Variants in CXCL13 observed in about 807,000 individuals in gnomAD.
The protein encoded by CXCL13 is C-X-C motif chemokine 13.
In CXCL13, 7 loss-of-function variants were observed where a neutral mutation model predicts 12.2. The ratio of observed to expected loss-of-function variants is 0.57; its 90% CI spans 0.33 to 1.07. The LOEUF (loss-of-function observed/expected upper bound fraction) is 1.07, where lower values mean the gene tolerates loss of function less well. CXCL13 is among the 50% of genes least tolerant of loss of function. The pLI is 0.04. For missense variants in CXCL13, 113 were observed against 127.4 expected, an observed-to-expected ratio of 0.89 and a Z score of 0.55; for synonymous variants, 47 against 42.4, an observed-to-expected ratio of 1.11 and a Z score of -0.42.
At chr4:77,568,076 T>A (rs1301669369) in intron 1 of CXCL13, among the ~76,000 whole-genome samples, 1 of 152,128 alleles carries the variant, frequency 6.6e-6, no homozygotes, top group African/African-American at 2.4e-5. Context: ...GAACCCCAAT[T>A]CTGGAGTTAA....
intron 1 of CXCL13, among the ~76,000 whole-genome samples, chr4:77,562,289 G>C (rs141555062): frequency 6.6e-6 from 1 of 151,552 alleles, no homozygotes; most frequent in Admixed American, 6.6e-5. Context: ...GCTCTGCTGC[G>C]CTGGGTCCCA....
intron 1 of CXCL13, among the ~76,000 whole-genome samples, chr4:77,535,392 C>T (rs1725036750): frequency 1.3e-5 from 2 of 152,088 alleles, no homozygotes; most frequent in Admixed American, 1.3e-4. Flanking sequence ...AAACTTAGTC[C>T]TCAAATCTCA....
chr4:77,586,054 C>T (rs1726449218), intron 1 of CXCL13, among the ~76,000 whole-genome samples: 1 of 152,074 alleles, frequency 6.6e-6, no homozygotes, highest in South Asian at 2.1e-4. Flanking sequence ...AACAATGCAA[C>T]ATAATTGTGT....
intron 1 of CXCL13, among the ~76,000 whole-genome samples, chr4:77,556,851 T>C (rs1725671203): frequency 6.6e-6 from 1 of 151,766 alleles, no homozygotes; most frequent in South Asian, 2.1e-4. Context: ...AGCTTGTCCG[T>C]ACAAAAAAAA....
chr4:77,555,278 C>T (rs536794319), intron 1 of CXCL13, among the ~76,000 whole-genome samples: 1 of 152,062 alleles, frequency 6.6e-6, no homozygotes, highest in East Asian at 1.9e-4. Flanking sequence ...TGAACAAATG[C>T]ATGCAACAAA....
At chr4:77,540,734 T>C (rs984677239) in intron 1 of CXCL13, among the ~76,000 whole-genome samples, 1 of 152,216 alleles carries the variant, frequency 6.6e-6, no homozygotes. Context: ...AACATGCAAG[T>C]GCGTGTGGTT....
At chr4:77,607,399 C>T (rs1727021641) in intron 1 of CXCL13, among the ~76,000 whole-genome samples, 1 of 152,134 alleles carries the variant, frequency 6.6e-6, no homozygotes, top group Non-Finnish European at 1.5e-5. Context: ...GTTGCCCAGG[C>T]TGGTCTCAAA....
In CXCL13 at chr4:77,559,921, CAAAAAAAAA is replaced by C. The variant is rs751894798; in HGVS notation, c.-42-45892_-42-45884del. 2.1e-4 allele frequency among the ~76,000 whole-genome samples: 16 copies of C among 77,120 alleles called. No individual in the cohort carries two copies. In the East Asian group the frequency reaches 5.6e-3, roughly 27 times the overall value. The allele number at this position is 77,120 out of a possible 152,430, so 50.6% of individuals were successfully genotyped here. On this transcript the variant is annotated intron_variant, in intron 1 of 4. Coordinates refer to the CXCL13 transcript ENST00000286758. ...TGGGTGAGAGAGCGAGACTCCATCACAAAAAAAAAAAAAAAAAAACCTGACGCTCAATGT... is the reference window on the plus strand; with the variant it reads ...TGGGTGAGAGAGCGAGACTCCATCACAAAAAAAAAACCTGACGCTCAATGT...
chr4:77,548,661 C>T (rs967867920), intron 1 of CXCL13, among the ~76,000 whole-genome samples: 2 of 152,204 alleles, frequency 1.3e-5, no homozygotes, highest in African/African-American at 4.8e-5. Context: ...GGAATATTGG[C>T]CCCCATTCTC....
chr4:77,560,620 C>T (rs1290393760), intron 1 of CXCL13, among the ~76,000 whole-genome samples: 1 of 152,198 alleles, frequency 6.6e-6, no homozygotes, highest in Non-Finnish European at 1.5e-5. Flanking sequence ...ACCAGAATAG[C>T]CTCCCAGTGC....
intron 1 of CXCL13, among the ~76,000 whole-genome samples, chr4:77,591,550 C>CAAAAA (rs780283463): frequency 8.2e-5 from 4 of 48,600 alleles, no homozygotes; most frequent in African/African-American, 2.1e-4. Context: ...GACTCCATCT[C>CAAAAA]AAAAAAAAAA....
chr4:77,516,011 G>C (rs932323305), intron 1 of CXCL13, among the ~76,000 whole-genome samples: 2 of 152,154 alleles, frequency 1.3e-5, no homozygotes, highest in African/African-American at 4.8e-5. Flanking sequence ...AGAGTTTTTA[G>C]CGTGAAGTGC....
At chr4:77,543,795 T>C (rs1044805921) in intron 1 of CXCL13, among the ~76,000 whole-genome samples, 7 of 152,144 alleles carry the variant, frequency 4.6e-5, no homozygotes, top group African/African-American at 1.4e-4. Flanking sequence ...ATGTGCACAA[T>C]GTGCAGGTTT....
At chr4:77,586,275 C>T (rs577928432) in intron 1 of CXCL13, among the ~76,000 whole-genome samples, 10 of 151,850 alleles carry the variant, frequency 6.6e-5, no homozygotes, top group African/African-American at 2.2e-4. Flanking sequence ...CTTGTTCTCC[C>T]TGTTCTCAAA....
chr4:77,563,735 A>G (rs1017919146), intron 1 of CXCL13, among the ~76,000 whole-genome samples: 2 of 152,240 alleles, frequency 1.3e-5, no homozygotes, highest in African/African-American at 4.8e-5. Context: ...ATATACAGAA[A>G]AACAGAGTTA....
intron 1 of CXCL13, among the ~76,000 whole-genome samples, chr4:77,543,095 T>G (rs577182066): frequency 6.6e-6 from 1 of 152,122 alleles, no homozygotes; most frequent in Non-Finnish European, 1.5e-5. Context: ...TCTTGGGAGA[T>G]TGTGTGTTTC....
chr4:77,586,948 T>C (rs1181867531), intron 1 of CXCL13, among the ~76,000 whole-genome samples: 1 of 152,098 alleles, frequency 6.6e-6, no homozygotes, highest in Non-Finnish European at 1.5e-5. Flanking sequence ...TAGGTGGTAG[T>C]GAAATAAGGG....
intron 1 of CXCL13, among the ~76,000 whole-genome samples, chr4:77,538,002 C>A (rs1725101855): frequency 6.6e-6 from 1 of 152,172 alleles, no homozygotes; most frequent in Middle Eastern, 3.4e-3. Flanking sequence ...CCATCTCTGC[C>A]CCCAGAGAGT....
chr4:77,569,292 G>T (rs918054906), intron 1 of CXCL13, among the ~76,000 whole-genome samples: 1 of 152,124 alleles, frequency 6.6e-6, no homozygotes, highest in Non-Finnish European at 1.5e-5. Context: ...GAGAAATAAA[G>T]GGCATCCAAA....
Sources: gnomAD v4.1 joint callset for allele counts (sites outside exome capture counted in the v4.1 genomes callset) on GRCh38, gnomAD v4.1.1 for gene constraint, MANE v1.5 for transcripts, NCBI Gene and HGNC (gene_info 2026-07-23, HGNC 2026-07-21) for gene names.